MRO: variants seen among roughly 807,000 people sequenced by gnomAD.
MRO encodes protein maestro.
Under a neutral mutation model 31.0 loss-of-function variants are expected in MRO, and 28 were observed. That is an observed-to-expected ratio of 0.90 (90% CI 0.67 to 1.24). The LOEUF (loss-of-function observed/expected upper bound fraction) is 1.24. Among genes scored for constraint, MRO ranks in the 50% most tolerant of loss-of-function variants. The pLI is 0.00. For missense variants in MRO, 332 were observed against 289.2 expected (o/e 1.15, Z -1.07); for synonymous variants, 108 against 108.4 (o/e 1.00, Z 0.02).
intron 5 of MRO, 77 bp from the exon 6 acceptor site, chr18:50,801,581 C>A (rs1020970177): frequency 2.2e-6 from 3 of 1,387,402 alleles, no homozygotes; most frequent in Non-Finnish European, 3.0e-6. Context: ...ACATCACAGC[C>A]ATCGGTCAGA....
chr18:50,822,489 C>T (rs142830759), upstream of MRO, among the ~76,000 whole-genome samples: 67 of 152,226 alleles, frequency 4.4e-4, no homozygotes, highest in African/African-American at 1.5e-3. Context: ...AGGCGCCTGC[C>T]ACCACACCCG....
At chr18:50,810,153 T>C (rs186588004) in intron 2 of MRO, among the ~76,000 whole-genome samples, 45 of 152,294 alleles carry the variant, frequency 3.0e-4, no homozygotes, top group Admixed American at 2.7e-3. Context: ...TTTTACGTTG[T>C]CCAGTCTTGT....
upstream of MRO, among the ~76,000 whole-genome samples, chr18:50,823,376 G>A (rs903068092): frequency 1.1e-4 from 16 of 152,200 alleles, no homozygotes; most frequent in African/African-American, 3.4e-4. Flanking sequence ...AGGCAGGAGC[G>A]CCCCGTGGCC....
At chr18:50,824,427 C>A (rs1307540849), upstream of MRO, among the ~76,000 whole-genome samples, 1 of 151,098 alleles carries the variant, frequency 6.6e-6, no homozygotes, top group Non-Finnish European at 1.5e-5. Context: ...GGTGATAGAG[C>A]AAGACACTGT....
At chr18:50,801,585 G>T in intron 5 of MRO, 81 bp from the exon 6 acceptor site, 1 of 1,321,566 alleles carries the variant, frequency 7.6e-7, no homozygotes. Context: ...CACAGCCATC[G>T]GTCAGAACAC....
At chr18:50,815,090 T>C (rs1469336623) in intron 2 of MRO, 2 of 211,166 alleles carry the variant, frequency 9.5e-6, no homozygotes, top group African/African-American at 2.4e-5. Flanking sequence ...AAAAAAGTTA[T>C]GGAAGCCAGG....
At position 50,800,077 on chromosome 18, in the gene MRO, T is replaced by C; in HGVS notation, c.652A>G (p.Ser218Gly). Residue 218 changes from serine (S) to glycine (G), a missense_variant, in exon 7 of 8, where the codon AGT becomes GGT. Ser to Gly is a moderately conservative substitution (Grantham distance 56, BLOSUM62 0). Transcript: ENST00000398439. ...LKLKEEYSFQ[S>G]EEDQRNTKLY... is the part of the protein sequence containing the mutation. ...TTAGTGTTCCTTTGATCTTCTTCAC[T>C]CTGGAAGCTGTATTCCTCCTTTAGT... 6.2e-7 allele frequency: 1 copy of C among 1,613,878 alleles called. No individual in the cohort carries two copies. Among genetic ancestry groups the C allele is most frequent in the Non-Finnish European group, 8.5e-7 (1 of 1,179,824 alleles).
intron 2 of MRO, among the ~76,000 whole-genome samples, chr18:50,818,717 T>A (rs1431817974): frequency 1.3e-5 from 2 of 152,196 alleles, no homozygotes; most frequent in East Asian, 1.9e-4. Context: ...CAGAAGAAAC[T>A]GTTAGATTGC....
At chr18:50,804,654 G>A (rs184200794) in intron 5 of MRO, among the ~76,000 whole-genome samples, 40 of 152,202 alleles carry the variant, frequency 2.6e-4, no homozygotes, top group Middle Eastern at 3.4e-3. Context: ...TTGAGGGTTA[G>A]AGATAAAATT....
At chr18:50,801,581 C>G (rs1020970177) in intron 5 of MRO, 77 bp from the exon 6 acceptor site, 2 of 1,387,284 alleles carry the variant, frequency 1.4e-6, no homozygotes, top group Admixed American at 2.1e-5. Flanking sequence ...ACATCACAGC[C>G]ATCGGTCAGA....
At chr18:50,809,448 A>C (rs1433819423) in intron 2 of MRO, 44 bp from the exon 3 acceptor site, 1 of 1,324,346 alleles carries the variant, frequency 7.6e-7, no homozygotes, top group East Asian at 2.3e-5. Context: ...ACAGACACTC[A>C]TCATCAACAA....
intron 2 of MRO, among the ~76,000 whole-genome samples, chr18:50,812,451 T>G (rs966325408): frequency 1.3e-5 from 2 of 152,156 alleles, no homozygotes; most frequent in Non-Finnish European, 2.9e-5. Context: ...TTTTCTCCCA[T>G]TCTGTGGGCT....
chr18:50,817,525 T>TAAA (rs1915030258), intron 2 of MRO, among the ~76,000 whole-genome samples: 1 of 141,492 alleles, frequency 7.1e-6, no homozygotes, highest in African/African-American at 2.6e-5. Context: ...ATAATAACAA[T>TAAA]AAACTCCAGG....
At chr18:50,809,550 T>C in intron 2 of MRO, 146 bp from the exon 3 acceptor site, 1 of 528,520 alleles carries the variant, frequency 1.9e-6, no homozygotes, top group Non-Finnish European at 3.3e-6. Flanking sequence ...TGTGGTGAGA[T>C]AGAACAGTCA....
Position 50,805,573 on chromosome 18 carries a change from G to A in MRO, c.247-237C>T, listed in dbSNP as rs536790592. Among the ~76,000 whole-genome samples the A allele has an allele frequency of 2.0e-4, 31 of 152,262 alleles. No homozygotes were observed. In the South Asian group the frequency reaches 6.4e-3, roughly 32 times the overall value. On this transcript the variant is annotated intron_variant, in intron 4 of 7. Transcript: ENST00000398439. Reference sequence around the variant, plus strand: ...AATCTGGAGTGTGGCATGTGGGTGGGTGAGGCTCAGTGGGGCTCTTCAAAT... The same window carrying A: ...AATCTGGAGTGTGGCATGTGGGTGGATGAGGCTCAGTGGGGCTCTTCAAAT...
At chr18:50,824,070 A>T (rs993353283), upstream of MRO, 7 of 152,320 alleles carry the variant, frequency 4.6e-5, no homozygotes, top group Admixed American at 2.0e-4. Flanking sequence ...TTTACACACA[A>T]GAAAAAGGTA....
intron 3 of MRO, among the ~76,000 whole-genome samples, chr18:50,807,920 T>C (rs902782365): frequency 6.6e-6 from 1 of 152,172 alleles, no homozygotes; most frequent in African/African-American, 2.4e-5. Context: ...ACCCCGTCTC[T>C]ATAAAAATAC....
At chr18:50,804,297 A>G (rs1022593205) in intron 5 of MRO, among the ~76,000 whole-genome samples, 2 of 152,220 alleles carry the variant, frequency 1.3e-5, no homozygotes, top group Non-Finnish European at 2.9e-5. Context: ...ATCAGTGTAC[A>G]TCATCATCAG....
In MRO at chr18:50,809,381, C is replaced by T; in HGVS notation, c.20G>A (p.Arg7Lys). 6.2e-7 allele frequency: 1 copy of T among 1,613,572 alleles called. No individual in the cohort carries two copies. Among genetic ancestry groups the T allele is most frequent in the South Asian group, 1.1e-5 (1 of 91,048 alleles). Reference protein sequence around the residue: MDQRQRRILGQPLSIPT... With the variant: MDQRQRKILGQPLSIPT... ...GATGGAAAGGGGCTGGCCCAGGATT[C>T]TCCTCTGTCTTTGGTCCATGGAACT... The change falls in exon 3 of 8, where the codon AGA (arginine) becomes AAA (lysine). Residue 7 changes from arginine (R) to lysine (K), a missense_variant. By Grantham distance (26) the Arg-to-Lys change is conservative. Coordinates refer to ENST00000398439, the MANE Select transcript of MRO (RefSeq NM_031939.6).
Sources: gnomAD v4.1 joint callset for allele counts (sites outside exome capture counted in the v4.1 genomes callset) on GRCh38, gnomAD v4.1.1 for gene constraint, MANE v1.5 for transcripts, NCBI Gene and HGNC (gene_info 2026-07-23, HGNC 2026-07-21) for gene names.